SGCZ: variants seen among roughly 807,000 people sequenced by gnomAD.
SGCZ encodes the protein sarcoglycan zeta.
Under a neutral mutation model 41.3 loss-of-function variants are expected in SGCZ, and 40 were observed. The ratio of observed to expected loss-of-function variants is 0.97; its 90% confidence interval spans 0.75 to 1.26. The LOEUF (loss-of-function observed/expected upper bound fraction) is 1.26. Ranked by LOEUF, SGCZ falls within the 50% of genes most tolerant of loss-of-function variation. The pLI is 0.00. For synonymous variants in SGCZ, 206 were observed against 137.5 expected, an observed-to-expected ratio of 1.50 and a Z score of -3.49; for missense variants, 552 against 369.8, an observed-to-expected ratio of 1.49 and a Z score of -4.04.
At position 14,089,875 on chromosome 8, in the gene SGCZ, T is replaced by G. The variant is rs1036993376; in HGVS notation, c.*568A>C. ...AACAGAAGGAAAACTCAGGGAGAGA[T>G]TCTGTATTGTTTTGTTTTGTTCTGT... On this transcript the variant is annotated 3_prime_UTR_variant, in exon 8 of 8. Transcript: ENST00000382080. 6.6e-6 allele frequency: 1 copy of G among 152,382 alleles called. No individual in the cohort carries two copies. Among genetic ancestry groups the G allele is most frequent in the African/African-American group, 2.4e-5 (1 of 41,406 alleles). The allele number at this position is 152,382 out of a possible 1,614,324, so 9.4% of individuals were successfully genotyped here. A position where few individuals can be genotyped will look rare whatever the true frequency, so the allele number is the denominator to read the frequency against.
chr8:15,008,503 T>C (rs1466230402), intron 1 of SGCZ, among the ~76,000 whole-genome samples: 12 of 118,064 alleles, frequency 1.0e-4, no homozygotes, highest in Non-Finnish European at 1.9e-4. Flanking sequence ...ATAAAAAACA[T>C]TAACTGGGCC....
intron 2 of SGCZ, among the ~76,000 whole-genome samples, chr8:14,345,477 GTA>G (rs1015981537): frequency 6.6e-6 from 1 of 152,114 alleles, no homozygotes. Flanking sequence ...AAATGTATGG[GTA>G]TAGGTTATGG....
At chr8:14,866,408 C>G (rs188777817) in intron 1 of SGCZ, among the ~76,000 whole-genome samples, 1 of 152,008 alleles carries the variant, frequency 6.6e-6, no homozygotes, top group Non-Finnish European at 1.5e-5. Flanking sequence ...TGAGAACAAG[C>G]ACAGTCATTA....
chr8:14,527,187 G>A (rs1216514428), intron 2 of SGCZ, among the ~76,000 whole-genome samples: 1 of 152,148 alleles, frequency 6.6e-6, no homozygotes, highest in Non-Finnish European at 1.5e-5. Flanking sequence ...AGAAAAGAAA[G>A]TATTAATATG....
At chr8:14,342,395 C>T (rs529233189) in intron 2 of SGCZ, among the ~76,000 whole-genome samples, 1 of 152,264 alleles carries the variant, frequency 6.6e-6, no homozygotes, top group East Asian at 1.9e-4. Context: ...CGGCTCACTG[C>T]AAGCTCTGCC....
chr8:14,745,833 AT>A (rs1479115203), intron 1 of SGCZ, among the ~76,000 whole-genome samples: 1 of 152,040 alleles, frequency 6.6e-6, no homozygotes, highest in South Asian at 2.1e-4. Context: ...TTAGTATATT[AT>A]TTTTATATAA....
chr8:14,974,232 A>C (rs1801390106), intron 1 of SGCZ, among the ~76,000 whole-genome samples: 1 of 152,162 alleles, frequency 6.6e-6, no homozygotes, highest in Non-Finnish European at 1.5e-5. Context: ...TACTTTAAAA[A>C]CGTATGTTGT....
rs534608823 is a variant in SGCZ at position 14,138,108 on chromosome 8, T to C, written c.547+26472A>G. 3.3e-5 allele frequency among the ~76,000 whole-genome samples: 5 copies of C among 152,164 alleles called. No individual in the cohort carries two copies. In the South Asian group the frequency reaches 1.0e-3, roughly 32 times the overall value. On this transcript the variant is annotated intron_variant, in intron 5 of 7. Transcript: ENST00000382080. ...CTTCATAAGTGAAGGAGAAATGAAA[T>C]CCTTTACAGACAAGCAAATGCTGAC...
intron 2 of SGCZ, among the ~76,000 whole-genome samples, chr8:14,368,854 T>G (rs1039942629): frequency 6.6e-6 from 1 of 151,656 alleles, no homozygotes; most frequent in African/African-American, 2.4e-5. Context: ...TACATATACT[T>G]GTTGCAAGAG....
intron 1 of SGCZ, among the ~76,000 whole-genome samples, chr8:15,090,692 A>G (rs1301027890): frequency 2.0e-5 from 3 of 152,192 alleles, no homozygotes; most frequent in African/African-American, 7.2e-5. Context: ...GGTAAAGCCA[A>G]GCGTTGATAG....
intron 1 of SGCZ, among the ~76,000 whole-genome samples, chr8:15,039,603 CTT>C (rs1251354649): frequency 6.6e-6 from 1 of 152,116 alleles, no homozygotes; most frequent in African/African-American, 2.4e-5. Flanking sequence ...ATATTTGTAA[CTT>C]TGTTGAGAAT....
At chr8:14,830,259 T>A (rs1457238011) in intron 1 of SGCZ, among the ~76,000 whole-genome samples, 1 of 113,292 alleles carries the variant, frequency 8.8e-6, no homozygotes, top group Non-Finnish European at 1.7e-5. Flanking sequence ...GGTTTCCAAA[T>A]TTTTTTTTTT....
intron 1 of SGCZ, among the ~76,000 whole-genome samples, chr8:14,577,569 G>A (rs1462330019): frequency 6.6e-6 from 1 of 151,898 alleles, no homozygotes; most frequent in Non-Finnish European, 1.5e-5. Context: ...TGTAGTTTTA[G>A]TAGAGACAGT....
chr8:14,800,578 G>A (rs1801289363), intron 1 of SGCZ, among the ~76,000 whole-genome samples: 1 of 152,106 alleles, frequency 6.6e-6, no homozygotes, highest in African/African-American at 2.4e-5. Flanking sequence ...CCCCCATGCT[G>A]TTTTCCTGAT....
chr8:14,464,486 A>ATATTT (rs1195978207), intron 2 of SGCZ, among the ~76,000 whole-genome samples: 38 of 135,924 alleles, frequency 2.8e-4, no homozygotes, highest in African/African-American at 9.4e-4. Context: ...TTTGAGTGGT[A>ATATTT]TTTTTTTTTT....
chr8:14,646,522 C>T (rs1481807925), intron 1 of SGCZ, among the ~76,000 whole-genome samples: 3 of 151,846 alleles, frequency 2.0e-5, no homozygotes, highest in Non-Finnish European at 2.9e-5. Context: ...GATGAACATA[C>T]AAGAACATGT....
rs964041735 is a variant in SGCZ, at chr8:14,530,988, C to T, written c.234+23744G>A. Among the ~76,000 whole-genome samples, 3 of 152,072 alleles carry T rather than the reference C, an allele frequency of 2.0e-5. No individual in the cohort carries two copies. In the East Asian group the frequency reaches 5.8e-4, roughly 30 times the overall value. On this transcript the variant is annotated intron_variant, in intron 2 of 7. Transcript: ENST00000382080. ...GTTCCCAGGTGGACAGGGAGGGGTT[C>T]CTGGTGAAACTTGACCTTCAAGTCA...
intron 2 of SGCZ, among the ~76,000 whole-genome samples, chr8:14,461,106 A>G (rs1290975472): frequency 1.3e-5 from 2 of 152,098 alleles, no homozygotes; most frequent in Admixed American, 6.6e-5. Context: ...TCAGAATGCT[A>G]TCCTCATCCA....
intron 1 of SGCZ, among the ~76,000 whole-genome samples, chr8:14,826,960 T>C (rs1365175219): frequency 6.6e-6 from 1 of 152,148 alleles, no homozygotes; most frequent in African/African-American, 2.4e-5. Flanking sequence ...TTGTCAATTT[T>C]GGCTTTTGTT....
Sources: gnomAD v4.1 joint callset for allele counts (sites outside exome capture counted in the v4.1 genomes callset) on GRCh38, gnomAD v4.1.1 for gene constraint, MANE v1.5 for transcripts, NCBI Gene and HGNC (gene_info 2026-07-23, HGNC 2026-07-21) for gene names.